Variants in SH3RF3 observed in about 807,000 individuals in gnomAD.
SH3RF3 encodes E3 ubiquitin-protein ligase SH3RF3.
SH3RF3 carries 29 observed loss-of-function variants against 66.3 expected under a neutral mutation model. The ratio of observed to expected loss-of-function variants is 0.44; its 90% CI spans 0.33 to 0.60. The LOEUF is 0.60. Ranked by LOEUF, SH3RF3 falls within the 20% of genes least tolerant of loss-of-function variation. The pLI is 0.04. For synonymous variants in SH3RF3, 583 were observed against 532.0 expected (o/e 1.10, Z -1.32); for missense variants, 1,194 against 1,190.9 (o/e 1.00, Z -0.04).
intron 1 of SH3RF3, among the ~76,000 whole-genome samples, chr2:109,317,459 C>T (rs58695387): frequency 0.31 from 47,377 of 151,846 alleles, 9,160 homozygotes; most frequent in African/African-American, 0.55. Context: ...CCCAGCCCCC[C>T]ACCCTGCTCT....
Position 109,475,237 on chromosome 2 carries a change from A to G in SH3RF3, c.2149-15368A>G, listed in dbSNP as rs183879689. ...CGTGATCCACCCGCCTCGGCCTCCC[A>G]AAGTGCTAGGATTACAGGCGTGAGC... On this transcript the variant is annotated intron_variant, in intron 8 of 9. Transcript: ENST00000309415. 5.0e-3 allele frequency among the ~76,000 whole-genome samples: 756 copies of G among 152,208 alleles called. 7 individuals carry two copies. The highest frequency in any genetic ancestry group is 6.5e-3 in the Non-Finnish European group (441 of 68,002).
intron 3 of SH3RF3, among the ~76,000 whole-genome samples, chr2:109,376,235 G>A (rs1683380876): frequency 6.6e-6 from 1 of 152,274 alleles, no homozygotes; most frequent in Admixed American, 6.5e-5. Context: ...AGGCAGGGCA[G>A]TTTCCTGCCT....
At chr2:109,299,692 T>C (rs1272857079) in intron 1 of SH3RF3, among the ~76,000 whole-genome samples, 1 of 152,204 alleles carries the variant, frequency 6.6e-6, no homozygotes, top group African/African-American at 2.4e-5. Flanking sequence ...CTGCCCGGAA[T>C]GTTCTAAATA....
intron 1 of SH3RF3, among the ~76,000 whole-genome samples, chr2:109,221,618 A>T (rs1167630110): frequency 6.7e-6 from 1 of 149,494 alleles, no homozygotes; most frequent in African/African-American, 2.5e-5. Flanking sequence ...CATCTTCCTG[A>T]TGGTTAGTAA....
rs189280444 is a variant in SH3RF3 at position 109,450,526 on chromosome 2, A to C, written c.2148+1037A>C. 6.3e-4 allele frequency among the ~76,000 whole-genome samples: 96 copies of C among 152,386 alleles called. 2 individuals are homozygous for C. The highest frequency in any genetic ancestry group is 6.3e-3 in the Admixed American group (96 of 15,314). ...ATTTTCTAGTAGCCACATTTTTAAAAAGTAAAATTAATTTTAAAGTAAATT... is the reference window on the plus strand; with the variant it reads ...ATTTTCTAGTAGCCACATTTTTAAACAGTAAAATTAATTTTAAAGTAAATT... On this transcript the variant is annotated intron_variant, in intron 8 of 9. Transcript: ENST00000309415.
chr2:109,413,029 A>T (rs1010519621), intron 4 of SH3RF3, among the ~76,000 whole-genome samples: 6 of 152,224 alleles, frequency 3.9e-5, no homozygotes, highest in African/African-American at 1.4e-4. Flanking sequence ...CTGGAACTTC[A>T]GGAGTGCAGG....
intron 1 of SH3RF3, among the ~76,000 whole-genome samples, chr2:109,272,843 C>T (rs1248114836): frequency 1.3e-5 from 2 of 152,162 alleles, no homozygotes; most frequent in African/African-American, 2.4e-5. Flanking sequence ...TGTGGGTTCC[C>T]GGACTGGTGT....
chr2:109,488,933 A>G (rs948620654), intron 8 of SH3RF3, among the ~76,000 whole-genome samples: 3 of 152,194 alleles, frequency 2.0e-5, no homozygotes, highest in Admixed American at 1.3e-4. Flanking sequence ...CCCGTGCTGC[A>G]TGGCTCAGAG....
intron 5 of SH3RF3, among the ~76,000 whole-genome samples, chr2:109,431,922 G>A (rs1470455707): frequency 6.6e-6 from 1 of 152,080 alleles, no homozygotes; most frequent in Non-Finnish European, 1.5e-5. Flanking sequence ...GCAAGGAAGT[G>A]TGCAACCACA....
At chr2:109,181,855 C>T (rs529427623) in intron 1 of SH3RF3, among the ~76,000 whole-genome samples, 1 of 152,126 alleles carries the variant, frequency 6.6e-6, no homozygotes, top group South Asian at 2.1e-4. Flanking sequence ...TTTTTTCCAT[C>T]CTGGCAGGAA....
intron 1 of SH3RF3, among the ~76,000 whole-genome samples, chr2:109,277,086 C>T (rs950099986): frequency 1.3e-5 from 2 of 152,162 alleles, no homozygotes; most frequent in Non-Finnish European, 2.9e-5. Flanking sequence ...AGCCCCACGC[C>T]GGCGGTCCCT....
Position 109,241,056 on chromosome 2 carries a change from T to C in SH3RF3, c.574-106618T>C, listed in dbSNP as rs535431753. Among the ~76,000 whole-genome samples, 247 of 152,276 alleles carry C rather than the reference T, an allele frequency of 1.6e-3. 1 individual carries two copies. Among genetic ancestry groups the C allele is most frequent in the African/African-American group, 5.8e-3 (239 of 41,536 alleles). ...GCATCAGAAGAATAATTACTAAAAA[T>C]ATATGTTTAAAATAAGTGGCCTTAG... On this transcript the variant is annotated intron_variant, in intron 1 of 9. Transcript: ENST00000309415.
chr2:109,215,688 A>G (rs986943026), intron 1 of SH3RF3, among the ~76,000 whole-genome samples: 2 of 152,134 alleles, frequency 1.3e-5, no homozygotes, highest in African/African-American at 4.8e-5. Flanking sequence ...TGCTTCTGGA[A>G]TCCTACACCC....
intron 1 of SH3RF3, among the ~76,000 whole-genome samples, chr2:109,133,723 T>G (rs1574466947): frequency 1.0e-4 from 1 of 9,920 alleles, no homozygotes; most frequent in Admixed American, 5.2e-4. Flanking sequence ...CAAGGGACAA[T>G]TTTTTTTTTT....
rs188052053 is a variant in SH3RF3, at chr2:109,181,456, G to A, written c.573+51343G>A. On this transcript the variant is annotated intron_variant, in intron 1 of 9. Coordinates refer to ENST00000309415, the MANE Select transcript of SH3RF3 (RefSeq NM_001099289.3). ...GTTGCATCTGGCGCTGTAAGGGTTT[G>A]TGTGAAGAAAGGATTCCACTGGTGT... Among the ~76,000 whole-genome samples, 4 of 152,232 alleles carry A rather than the reference G, an allele frequency of 2.6e-5. No individual in the cohort carries two copies. The East Asian group carries it at 7.7e-4, about 29-fold the overall frequency.
In SH3RF3 at chr2:109,129,839, T is replaced by G; in HGVS notation, c.299T>G (p.Leu100Arg). The change falls in exon 1 of 10, where the codon CTG becomes CGG. Residue 100 changes from leucine (L) to arginine (R), a missense_variant. By Grantham distance (102) the Leu-to-Arg change is moderately radical (BLOSUM62 -2). Transcript: ENST00000309415. ...HELRCPECRI[L>R]VGCGVDELPA... is the part of the protein sequence containing the mutation. ...CTGCGCTGCCCCGAGTGCCGCATCC[T>G]GGTGGGCTGCGGCGTGGACGAACTG... 6.5e-7 allele frequency: 1 copy of G among 1,535,096 alleles called. No homozygotes were observed. The highest frequency in any genetic ancestry group is 1.2e-5 in the South Asian group (1 of 83,166).
At chr2:109,390,402 C>T (rs1426279860) in intron 3 of SH3RF3, among the ~76,000 whole-genome samples, 1 of 152,198 alleles carries the variant, frequency 6.6e-6, no homozygotes, top group Non-Finnish European at 1.5e-5. Flanking sequence ...CTTTTATGGA[C>T]TTGGACACAT....
chr2:109,193,990 A>G (rs1678433523), intron 1 of SH3RF3, among the ~76,000 whole-genome samples: 1 of 152,244 alleles, frequency 6.6e-6, no homozygotes, highest in African/African-American at 2.4e-5. Flanking sequence ...AGAGTGAGTG[A>G]CTGACTGCTG....
rs147866520 is a variant in SH3RF3 at position 109,195,415 on chromosome 2, C to G, written c.573+65302C>G. ...CCAGGCAGGCCCTGGCCTGCGGACACCAGCGTCTGCCACTCATGCCTGAGT... is the reference window on the plus strand; with the variant it reads ...CCAGGCAGGCCCTGGCCTGCGGACAGCAGCGTCTGCCACTCATGCCTGAGT... On this transcript the variant is annotated intron_variant, in intron 1 of 9. Transcript: ENST00000309415. Among the ~76,000 whole-genome samples the G allele has an allele frequency of 2.3e-3, 355 of 152,368 alleles. 2 individuals carry two copies. Among genetic ancestry groups the G allele is most frequent in the African/African-American group, 7.9e-3 (330 of 41,590 alleles).
Sources: allele counts gnomAD v4.1 joint callset (sites outside exome capture counted in the v4.1 genomes callset), GRCh38; gene constraint gnomAD v4.1.1; transcripts MANE v1.5; gene names NCBI Gene and HGNC (gene_info 2026-07-23, HGNC 2026-07-21).